Variants in KDM7A observed in about 807,000 individuals in gnomAD.
The protein encoded by KDM7A is lysine-specific demethylase 7A.
Under a neutral mutation model 114.8 loss-of-function variants are expected in KDM7A, and 28 were observed. The ratio of observed to expected loss-of-function variants is 0.24; its 90% CI spans 0.18 to 0.33. The LOEUF (loss-of-function observed/expected upper bound fraction) is 0.33, where lower values mean the gene tolerates loss of function less well. Among genes scored for constraint, KDM7A ranks in the 10% least tolerant of loss-of-function variants. The probability of loss-of-function intolerance (pLI) is 1.00; values close to 1 mark genes in which losing one functional copy is unlikely to be tolerated. For synonymous variants in KDM7A, 423 were observed against 397.8 expected (o/e 1.06, Z -0.75); for missense variants, 942 against 1,142.5 (o/e 0.82, Z 2.53).
intron 9 of KDM7A, among the ~76,000 whole-genome samples, chr7:140,115,531 A>T (rs1353395653): frequency 6.6e-6 from 1 of 152,092 alleles, no homozygotes; most frequent in African/African-American, 2.4e-5. Flanking sequence ...TGCTGTGTCC[A>T]CTCAGGGTTA....
chr7:140,176,656 G>C lies in KDM7A; in HGVS notation c.194+88C>G. On this transcript the variant is annotated intron_variant, in intron 1 of 19. Coordinates refer to ENST00000397560, the MANE Select transcript of KDM7A (RefSeq NM_030647.2). The surrounding 1 kb of genome is among the most constrained non-coding windows in gnomAD (Gnocchi z 4.4). ...AAGCTGGGCGCGGCGCGGCGGCCCGGCCCGAGGGAGGCGCGGGCGGCCGGC... is the reference window on the plus strand; with the variant it reads ...AAGCTGGGCGCGGCGCGGCGGCCCGCCCCGAGGGAGGCGCGGGCGGCCGGC... 1 of 956,024 alleles carries C rather than the reference G, an allele frequency of 1.0e-6. No homozygotes were observed. Among genetic ancestry groups the C allele is most frequent in the Non-Finnish European group, 1.3e-6 (1 of 793,086 alleles). 59.2% of individuals were successfully genotyped at this position (956,024 alleles called of 1,614,324 possible).
At position 140,091,933 on chromosome 7, in the gene KDM7A, C is replaced by T. The variant is rs373108814; in HGVS notation, c.2602G>A (p.Ala868Thr). Reference protein sequence around the residue: ...YMQNSNLTSGACQISNGSLSP... With the variant: ...YMQNSNLTSGTCQISNGSLSP... The stretch of plus-strand genomic sequence containing the variant: ...AGACTGCCATTACTTATCTGGCACG[C>T]CCCCGAAGTCAGGTTTGAATTCTGC... Residue 868 changes from alanine to threonine, a missense_variant, in exon 19 of 20, where the codon GCG becomes ACG. This residue lies in a region of KDM7A where 512 missense variants were observed against 576.6 expected (regional missense o/e 0.89). Coordinates refer to ENST00000397560, the MANE Select transcript of KDM7A (RefSeq NM_030647.2). 2.5e-6 allele frequency: 4 copies of T among 1,613,908 alleles called. No individual in the cohort carries two copies. Among genetic ancestry groups the T allele is most frequent in the South Asian group, 2.2e-5 (2 of 91,054 alleles).
chr7:140,103,179 G>C (rs1382740982), intron 11 of KDM7A, among the ~76,000 whole-genome samples: 2 of 151,928 alleles, frequency 1.3e-5, no homozygotes, highest in Non-Finnish European at 2.9e-5. Context: ...CATTCTCTAT[G>C]AATTTGACAC....
At chr7:140,139,307 GT>G (rs1483132765) in intron 1 of KDM7A, 117 bp from the exon 2 acceptor site, 4 of 665,212 alleles carry the variant, frequency 6.0e-6, no homozygotes, top group Non-Finnish European at 1.1e-5. Context: ...ACACATTTTT[GT>G]AGAGCACAGA....
chr7:140,142,998 G>T (rs1019519204), intron 1 of KDM7A, among the ~76,000 whole-genome samples: 2 of 151,864 alleles, frequency 1.3e-5, no homozygotes, highest in African/African-American at 4.8e-5. Flanking sequence ...TGGCTAACAC[G>T]GTGAAACCCC....
chr7:140,175,261 T>G (rs920911812), intron 1 of KDM7A, among the ~76,000 whole-genome samples: 4 of 152,226 alleles, frequency 2.6e-5, no homozygotes, highest in African/African-American at 9.6e-5. Context: ...CACCTAGCAC[T>G]AAACACTGCA....
At chr7:140,168,038 A>G (rs1307948811) in intron 1 of KDM7A, among the ~76,000 whole-genome samples, 1 of 152,234 alleles carries the variant, frequency 6.6e-6, no homozygotes, top group Non-Finnish European at 1.5e-5. Flanking sequence ...TAATTAGACA[A>G]ATGCAGATTA....
intron 11 of KDM7A, among the ~76,000 whole-genome samples, chr7:140,107,030 CTTCT>C (rs775583448): frequency 3.9e-5 from 6 of 152,096 alleles, no homozygotes; most frequent in East Asian, 1.9e-4. Flanking sequence ...ATGTAATGGC[CTTCT>C]TTGTCTCTTT....
rs117778794 is a variant in KDM7A at position 140,138,505 on chromosome 7, C to T, written c.280+600G>A. Among the ~76,000 whole-genome samples, 488 of 152,154 alleles carry T rather than the reference C, an allele frequency of 3.2e-3. 2 individuals carry two copies. Among genetic ancestry groups the T allele is most frequent in the Non-Finnish European group, 3.3e-3 (226 of 67,982 alleles). ...CCTGAGGCTTCCCTGGCTTTGCTCT[C>T]CCTTCTTAGGAAGAAGAGTGTGGTC... On this transcript the variant is annotated intron_variant, in intron 2 of 19. Transcript: ENST00000397560.
At position 140,101,987 on chromosome 7, in the gene KDM7A, C is replaced by T. The variant is rs779750691; in HGVS notation, c.1602G>A (p.Glu534=). 6.2e-7 allele frequency: 1 copy of T among 1,613,734 alleles called. No individual in the cohort carries two copies. Among genetic ancestry groups the T allele is most frequent in the Non-Finnish European group, 8.5e-7 (1 of 1,179,626 alleles). ...NLDILELHTR[E]VLKRLEMCPW... is the part of the protein sequence containing the mutation. ...GACACATCTCTAATCTTTTGAGGACCTCCCTTGTGTGGAGCTCTAGGATGT... is the reference window on the plus strand; with the variant it reads ...GACACATCTCTAATCTTTTGAGGACTTCCCTTGTGTGGAGCTCTAGGATGT... The change falls in exon 12 of 20, where the codon GAG becomes GAA. Residue 534 remains glutamate, a synonymous_variant. Transcript: ENST00000397560.
chr7:140,171,646 ATATATT>A (rs1340125804), intron 1 of KDM7A, among the ~76,000 whole-genome samples: 20 of 146,146 alleles, frequency 1.4e-4, no homozygotes, highest in East Asian at 7.8e-4. Flanking sequence ...TTTATTTTAT[ATATATT>A]TATATTTATA....
intron 1 of KDM7A, among the ~76,000 whole-genome samples, chr7:140,173,773 T>C (rs1236395522): frequency 1.3e-5 from 2 of 152,186 alleles, no homozygotes; most frequent in East Asian, 3.8e-4. Flanking sequence ...CATTTTGCTG[T>C]GTTCCGAAAA....
intron 9 of KDM7A, among the ~76,000 whole-genome samples, chr7:140,118,455 G>A (rs1329461102): frequency 3.3e-5 from 5 of 151,356 alleles, no homozygotes; most frequent in African/African-American, 7.3e-5. Flanking sequence ...TTGCTCTGTC[G>A]CCATTGCATG....
chr7:140,086,338 A>AG lies in KDM7A; in HGVS notation c.*4755dup, dbSNP rs1464390716. The AG allele has an allele frequency of 6.6e-6, 1 of 152,212 alleles. No homozygotes were observed. Among genetic ancestry groups the AG allele is most frequent in the Non-Finnish European group, 1.5e-5 (1 of 68,030 alleles). 9.4% of individuals were successfully genotyped at this position (152,212 alleles called of 1,614,324 possible). A position where few individuals can be genotyped will look rare whatever the true frequency, so the allele number is the denominator to read the frequency against. On this transcript the variant is annotated 3_prime_UTR_variant, in exon 20 of 20. Transcript: ENST00000397560. ...GACACTAGAAGGGGCACCAGGGGGAAGGGGAGAACCTAAGGATATTGCAAA... is the reference window on the plus strand; with the variant it reads ...GACACTAGAAGGGGCACCAGGGGGAAGGGGGAGAACCTAAGGATATTGCAAA...
chr7:140,116,265 T>C (rs917475398), intron 9 of KDM7A, among the ~76,000 whole-genome samples: 3 of 152,028 alleles, frequency 2.0e-5, no homozygotes, highest in Non-Finnish European at 4.4e-5. Context: ...AGTGTGTGTG[T>C]GTGTGTGTAT....
intron 10 of KDM7A, among the ~76,000 whole-genome samples, chr7:140,112,418 T>C (rs545131108): frequency 6.6e-6 from 1 of 152,160 alleles, no homozygotes; most frequent in Non-Finnish European, 1.5e-5. Context: ...AAGACCAGCC[T>C]GGCCAACATG....
At position 140,136,519 on chromosome 7, in the gene KDM7A, A is replaced by C. The variant is rs555617384; in HGVS notation, c.280+2586T>G. 8.3e-4 allele frequency among the ~76,000 whole-genome samples: 127 copies of C among 152,360 alleles called. 1 individual carries two copies. The highest frequency in any genetic ancestry group is 2.9e-3 in the African/African-American group (121 of 41,588). Reference sequence around the variant, plus strand: ...TTTTGTGTTTGGATTGCATGTGCCTAAAGAAGACAGAGAATACATATTTAA... The same window carrying C: ...TTTTGTGTTTGGATTGCATGTGCCTCAAGAAGACAGAGAATACATATTTAA... On this transcript the variant is annotated intron_variant, in intron 2 of 19. Coordinates refer to ENST00000397560, the MANE Select transcript of KDM7A (RefSeq NM_030647.2).
At chr7:140,110,130 C>CT (rs1818408481) in intron 11 of KDM7A, among the ~76,000 whole-genome samples, 1 of 93,816 alleles carries the variant, frequency 1.1e-5, no homozygotes, top group Non-Finnish European at 2.0e-5. Flanking sequence ...TTAGAGCTGA[C>CT]TGACACTCCC....
intron 2 of KDM7A, among the ~76,000 whole-genome samples, chr7:140,135,205 CTTT>C (rs11336171): frequency 1.1e-4 from 14 of 131,816 alleles, no homozygotes; most frequent in Admixed American, 2.3e-4. Flanking sequence ...TACATAACTC[CTTT>C]TTTTTTTTTT....
Sources: gnomAD v4.1 joint callset for allele counts (sites outside exome capture counted in the v4.1 genomes callset) on GRCh38, gnomAD v4.1.1 for gene constraint, gnomAD v4.1.1 regional missense constraint, Gnocchi (gnomAD v3.1) non-coding constraint, MANE v1.5 for transcripts, NCBI Gene and HGNC (gene_info 2026-07-23, HGNC 2026-07-21) for gene names.